EPC1: variants seen among roughly 807,000 people sequenced by gnomAD.
EPC1 encodes the protein enhancer of polycomb 1.
EPC1 carries 12 observed loss-of-function variants against 98.4 expected under a neutral mutation model. That is an observed-to-expected ratio of 0.12 (90% CI 0.08 to 0.20). The LOEUF is 0.20. EPC1 is among the 10% of genes least tolerant of loss of function. The pLI is 1.00. For synonymous variants in EPC1, 357 were observed against 363.9 expected, an observed-to-expected ratio of 0.98 and a Z score of 0.21; for missense variants, 729 against 990.5, an observed-to-expected ratio of 0.74 and a Z score of 3.54.
At chr10:32,369,219 C>T (rs1839682699) in intron 1 of EPC1, among the ~76,000 whole-genome samples, 1 of 152,148 alleles carries the variant, frequency 6.6e-6, no homozygotes, top group South Asian at 2.1e-4. Flanking sequence ...AAGAATATGA[C>T]ATTCTGCCAA....
chr10:32,305,290 G>A (rs1327948550), intron 2 of EPC1, among the ~76,000 whole-genome samples: 6 of 152,212 alleles, frequency 3.9e-5, no homozygotes, highest in Admixed American at 1.3e-4. Context: ...ACAACACAGC[G>A]ACATTCATTC....
At chr10:32,279,632 G>C (rs979523083) in intron 10 of EPC1, among the ~76,000 whole-genome samples, 16 of 152,184 alleles carry the variant, frequency 1.1e-4, no homozygotes, top group Non-Finnish European at 1.5e-4. Flanking sequence ...CAGAATGCTG[G>C]TGAAATTTTA....
intron 1 of EPC1, among the ~76,000 whole-genome samples, chr10:32,313,531 CA>C (rs1246024184): frequency 1.3e-5 from 2 of 152,150 alleles, no homozygotes; most frequent in Non-Finnish European, 2.9e-5. Context: ...ATCGCTTTAT[CA>C]GTGGAGAAAG....
rs190911339 is a variant in EPC1 at position 32,300,246 on chromosome 10, A to T, written c.313+5526T>A. 4.3e-3 allele frequency among the ~76,000 whole-genome samples: 647 copies of T among 151,580 alleles called. 8 individuals carry two copies. The highest frequency in any genetic ancestry group is 0.014 in the African/African-American group (580 of 41,376). ...ATTTTCTAACTCTAGCATTTTTTTT[A>T]AATTTTTTTTTATTATACTTTAAGT... On this transcript the variant is annotated intron_variant, in intron 2 of 13. Coordinates refer to ENST00000319778, the MANE Select transcript of EPC1 (RefSeq NM_001272004.3).
Position 32,285,060 on chromosome 10 carries a change from A to T in EPC1, c.1392-10T>A, listed in dbSNP as rs1489116746. On this transcript the variant is annotated splice_polypyrimidine_tract_variant and intron_variant, in intron 9 of 13. Coordinates refer to ENST00000319778, the MANE Select transcript of EPC1 (RefSeq NM_001272004.3). ...TCTGTCCAGTAAGACCCTATTAAAAAATCAGACAAGAAACAGTTATTTAAA... is the reference window on the plus strand; with the variant it reads ...TCTGTCCAGTAAGACCCTATTAAAATATCAGACAAGAAACAGTTATTTAAA... The T allele has an allele frequency of 3.1e-6, 5 of 1,591,026 alleles. No homozygotes were observed. In the African/African-American group the frequency reaches 5.4e-5, roughly 17 times the overall value.
intron 1 of EPC1, among the ~76,000 whole-genome samples, chr10:32,327,262 T>C (rs1837351649): frequency 6.6e-6 from 1 of 152,038 alleles, no homozygotes; most frequent in South Asian, 2.1e-4. Context: ...CAACAACTCA[T>C]AGAAGTTGAG....
Position 32,335,942 on chromosome 10 carries a change from C to A in EPC1, c.153+10821G>T, listed in dbSNP as rs573305516. 2.6e-4 allele frequency among the ~76,000 whole-genome samples: 40 copies of A among 152,298 alleles called. 2 individuals carry two copies. In the South Asian group the frequency reaches 5.4e-3, roughly 21 times the overall value. The stretch of plus-strand genomic sequence containing the variant: ...GCACTCCCAATGTAACAAATCAATT[C>A]CACAGAGCCTTCCATCCCAATTGAG... On this transcript the variant is annotated intron_variant, in intron 1 of 13. Coordinates refer to ENST00000319778, the MANE Select transcript of EPC1 (RefSeq NM_001272004.3).
chr10:32,289,018 G>A (rs1458079233), intron 6 of EPC1, among the ~76,000 whole-genome samples: 1 of 152,092 alleles, frequency 6.6e-6, no homozygotes, highest in Non-Finnish European at 1.5e-5. Context: ...GAACCCAGGA[G>A]GCGGAGGTTG....
chr10:32,335,963 T>C (rs1200322317), intron 1 of EPC1, among the ~76,000 whole-genome samples: 3 of 152,194 alleles, frequency 2.0e-5, no homozygotes, highest in Admixed American at 1.3e-4. Context: ...TCCATCCCAA[T>C]TGAGTCCTAC....
At chr10:32,300,635 T>C (rs1258283635) in intron 2 of EPC1, among the ~76,000 whole-genome samples, 6 of 152,008 alleles carry the variant, frequency 3.9e-5, no homozygotes, top group African/African-American at 1.4e-4. Flanking sequence ...GGTTTCACCA[T>C]GTTGGCCAGG....
intron 1 of EPC1, among the ~76,000 whole-genome samples, chr10:32,339,961 T>G (rs913238944): frequency 6.6e-6 from 1 of 152,196 alleles, no homozygotes; most frequent in Non-Finnish European, 1.5e-5. Context: ...ATTATCAAAA[T>G]AGTTCATCCC....
intron 2 of EPC1, among the ~76,000 whole-genome samples, chr10:32,300,363 T>C (rs927647553): frequency 6.6e-6 from 1 of 152,038 alleles, no homozygotes; most frequent in African/African-American, 2.4e-5. Flanking sequence ...TCATTTACAT[T>C]AGGCATATCT....
At chr10:32,284,599 C>T in intron 10 of EPC1, 99 bp downstream of exon 10, 1 of 991,294 alleles carries the variant, frequency 1.0e-6, no homozygotes, top group Non-Finnish European at 1.5e-6. Flanking sequence ...GAGAAAAGGA[C>T]TTTAAGCCAT....
At chr10:32,364,966 G>A (rs2505345) in intron 1 of EPC1, among the ~76,000 whole-genome samples, 4 of 150,616 alleles carry the variant, frequency 2.7e-5, no homozygotes, top group African/African-American at 9.8e-5. Flanking sequence ...TGGCCCAAGA[G>A]GATTCTGCTT....
At chr10:32,343,718 A>C (rs1264441940) in intron 1 of EPC1, among the ~76,000 whole-genome samples, 2 of 148,040 alleles carry the variant, frequency 1.4e-5, no homozygotes, top group African/African-American at 5.1e-5. Flanking sequence ...AAGGGCTTCT[A>C]CTTAAAGTTG....
At chr10:32,366,322 T>G (rs1358708113) in intron 1 of EPC1, among the ~76,000 whole-genome samples, 1 of 152,188 alleles carries the variant, frequency 6.6e-6, no homozygotes, top group Non-Finnish European at 1.5e-5. Flanking sequence ...GTTAGTGAAC[T>G]TACTTCCTAT....
At chr10:32,362,222 G>A (rs1451352406) in intron 1 of EPC1, among the ~76,000 whole-genome samples, 1 of 152,024 alleles carries the variant, frequency 6.6e-6, no homozygotes, top group Non-Finnish European at 1.5e-5. Context: ...TTGGGGCCTG[G>A]ATGGGGACCC....
Position 32,361,181 on chromosome 10 carries a change from A to G in EPC1, c.3+17310T>C, listed in dbSNP as rs374401926. On this transcript the variant is annotated intron_variant, in intron 1 of 13. Transcript: ENST00000375110. Reference sequence around the variant, plus strand: ...AGAGATATAGTGTTGTGTAGTGGTTAAAAGGTCTGGCTCTGGAGTCAAACA... The same window carrying G: ...AGAGATATAGTGTTGTGTAGTGGTTGAAAGGTCTGGCTCTGGAGTCAAACA... Among the ~76,000 whole-genome samples, 7 of 152,350 alleles carry G rather than the reference A, an allele frequency of 4.6e-5. No homozygotes were observed. The South Asian group carries it at 1.2e-3, about 27-fold the overall frequency.
At chr10:32,361,203 A>G (rs1463766790) in intron 1 of EPC1, among the ~76,000 whole-genome samples, 1 of 152,234 alleles carries the variant, frequency 6.6e-6, no homozygotes, top group Non-Finnish European at 1.5e-5. Flanking sequence ...TCTGGAGTCA[A>G]ACATGATGTG....
Sources: gnomAD v4.1 joint callset for allele counts (sites outside exome capture counted in the v4.1 genomes callset) on GRCh38, gnomAD v4.1.1 for gene constraint, MANE v1.5 for transcripts, NCBI Gene and HGNC (gene_info 2026-07-23, HGNC 2026-07-21) for gene names.